Variants in PRH1 observed in about 807,000 individuals in gnomAD.
PRH1 encodes the protein salivary acidic proline-rich phosphoprotein 1/2.
Under a neutral mutation model 7.9 loss-of-function variants are expected in PRH1, and 7 were observed. The observed-to-expected ratio is 0.89, with a 90% CI of 0.50 to 1.67. PRH1 has a LOEUF of 1.67. Ranked by LOEUF, PRH1 falls within the 40% of genes most tolerant of loss-of-function variation. The pLI, the probability that PRH1 is intolerant of heterozygous loss-of-function variation, is 0.00. For missense variants in PRH1, 109 were observed against 223.6 expected (o/e 0.49, Z 3.27); for synonymous variants, 45 against 80.8 (o/e 0.56, Z 2.38).
At chr12:10,961,420 C>G (rs1366987063) in intron 2 of PRH1, among the ~76,000 whole-genome samples, 6 of 150,908 alleles carry the variant, frequency 4.0e-5, no homozygotes, top group African/African-American at 1.5e-4. Context: ...TAATGATTGC[C>G]CCTCTAAGCA....
chr12:10,901,960 G>A (rs931098363), intron 2 of PRH1, among the ~76,000 whole-genome samples: 28 of 152,204 alleles, frequency 1.8e-4, no homozygotes, highest in African/African-American at 6.5e-4. Context: ...AAAAGTGAAT[G>A]TAATGAAATC....
intron 2 of PRH1, among the ~76,000 whole-genome samples, chr12:10,899,986 A>C (rs1949701367): frequency 6.6e-6 from 1 of 152,208 alleles, no homozygotes; most frequent in Non-Finnish European, 1.5e-5. Context: ...TCACATATTT[A>C]AGAAGAAAAA....
chr12:11,113,866 AAAG>A (rs1221288172), intron 1 of PRH1, among the ~76,000 whole-genome samples: 1 of 152,214 alleles, frequency 6.6e-6, no homozygotes, highest in African/African-American at 2.4e-5. Context: ...ACACTTCTCA[AAAG>A]AAGACATTTA....
At chr12:11,007,630 C>G (rs372899579) in intron 1 of PRH1, among the ~76,000 whole-genome samples, 2 of 152,102 alleles carry the variant, frequency 1.3e-5, no homozygotes, top group African/African-American at 4.8e-5. Context: ...ACCTTGGAAT[C>G]TGAGCTCACT....
intron 1 of PRH1, among the ~76,000 whole-genome samples, chr12:11,072,712 A>G (rs1944129042): frequency 6.6e-6 from 1 of 151,880 alleles, no homozygotes; most frequent in Admixed American, 6.6e-5. Context: ...AATGCTCTCT[A>G]GGATGTGGTA....
At chr12:11,029,391 C>G (rs1394391992) in intron 1 of PRH1, among the ~76,000 whole-genome samples, 1 of 151,496 alleles carries the variant, frequency 6.6e-6, no homozygotes, top group Non-Finnish European at 1.5e-5. Context: ...AAAAGTTTGA[C>G]TGAAATATTT....
At chr12:10,902,028 C>T (rs1479983860) in intron 2 of PRH1, among the ~76,000 whole-genome samples, 2 of 151,906 alleles carry the variant, frequency 1.3e-5, no homozygotes, top group African/African-American at 4.8e-5. Flanking sequence ...AAAACAAAAG[C>T]TCAGATATGA....
Position 11,043,688 on chromosome 12 carries a change from A to C in PRH1, c.-126+3332T>G, listed in dbSNP as rs577973394. ...CAAAATCAAAAAATTAATCCCACTC[A>C]CAAAAGCCACACATAAAATTAAATA... is the stretch of plus-strand genomic sequence containing the variant. On this transcript the variant is annotated intron_variant, in intron 1 of 3. Coordinates refer to the PRH1 transcript ENST00000539853. 2.0e-5 allele frequency among the ~76,000 whole-genome samples: 3 copies of C among 152,280 alleles called. No individual in the cohort carries two copies. In the South Asian group the frequency reaches 6.2e-4, roughly 32 times the overall value.
chr12:10,911,120 G>A (rs1325548618), intron 2 of PRH1, among the ~76,000 whole-genome samples: 1 of 152,152 alleles, frequency 6.6e-6, no homozygotes. Flanking sequence ...TTGACCCAGG[G>A]CTGAAGAGAT....
At chr12:11,045,219 T>G (rs1363392895) in intron 1 of PRH1, among the ~76,000 whole-genome samples, 1 of 148,196 alleles carries the variant, frequency 6.7e-6, no homozygotes, top group Non-Finnish European at 1.5e-5. Context: ...CTGCAATGTT[T>G]GCACAGAAGG....
intron 2 of PRH1, chr12:10,930,618 G>C (rs1446016932): frequency 6.2e-7 from 1 of 1,609,072 alleles, no homozygotes; most frequent in Non-Finnish European, 8.5e-7. Context: ...AGACAGGAGG[G>C]TTTTCCAGCA....
At position 10,883,003 on chromosome 12, in the gene PRH1, C is replaced by G. The variant is rs143437075; in HGVS notation, c.100+58G>C. ...GGTGATAAGAAGACACTGGAGAACT[C>G]ATCAATTTTTCAGGGAAAAATGGAG... On this transcript the variant is annotated intron_variant, in intron 2 of 3. Coordinates refer to ENST00000543626, the MANE Select transcript of PRH1 (RefSeq NM_001393989.1). The G allele has an allele frequency of 6.4e-3, 10,091 of 1,574,308 alleles. 405 individuals carry two copies. The East Asian group carries it at 0.095, about 15-fold the overall frequency.
At chr12:11,022,744 C>A in intron 1 of PRH1, 1 of 581,170 alleles carries the variant, frequency 1.7e-6, no homozygotes, top group Non-Finnish European at 3.0e-6. Flanking sequence ...TAGATGAATT[C>A]AAAACTGTCT....
intron 1 of PRH1, chr12:11,133,730 A>C (rs1253703227): frequency 6.2e-7 from 1 of 1,614,038 alleles, no homozygotes; most frequent in African/African-American, 1.3e-5. Flanking sequence ...TGAATGGTAC[A>C]TTGCACTCCT....
chr12:10,897,448 A>G (rs1949663727), intron 2 of PRH1, among the ~76,000 whole-genome samples: 1 of 152,212 alleles, frequency 6.6e-6, no homozygotes, highest in Non-Finnish European at 1.5e-5. Context: ...TCTGGAACAA[A>G]AAGAAGCCAT....
intron 1 of PRH1, among the ~76,000 whole-genome samples, chr12:10,983,200 T>C (rs1939442628): frequency 1.3e-5 from 2 of 152,172 alleles, no homozygotes; most frequent in African/African-American, 2.4e-5. Context: ...TGGAAGACTA[T>C]TCCTTCTCCA....
chr12:11,136,164 A>T (rs1214641275), intron 1 of PRH1, among the ~76,000 whole-genome samples: 1 of 152,164 alleles, frequency 6.6e-6, no homozygotes, highest in African/African-American at 2.4e-5. Context: ...TTCACACTTT[A>T]CCAACTAGGT....
chr12:11,062,192 A>G (rs1943638164), intron 1 of PRH1: 6 of 1,613,548 alleles, frequency 3.7e-6, no homozygotes, highest in Non-Finnish European at 4.2e-6. Context: ...CTCTTGAACC[A>G]CTCAATGGAA....
At chr12:11,137,665 T>C (rs1203443263) in intron 1 of PRH1, among the ~76,000 whole-genome samples, 7 of 152,222 alleles carry the variant, frequency 4.6e-5, no homozygotes, top group Non-Finnish European at 7.4e-5. Context: ...TTAAGCAATG[T>C]ATTGTAAAAT....
Sources: gnomAD v4.1 joint callset for allele counts (sites outside exome capture counted in the v4.1 genomes callset) on GRCh38, gnomAD v4.1.1 for gene constraint, MANE v1.5 for transcripts, NCBI Gene and HGNC (gene_info 2026-07-23, HGNC 2026-07-21) for gene names.